MSL3B: variants seen among roughly 807,000 people sequenced by gnomAD.
MSL3B encodes the protein MSL complex subunit 3 pseudogene 1.
chr2:233,866,970 C>A, the MSL3B span: 4 of 1,351,440 alleles, frequency 3.0e-6, no homozygotes, highest in Admixed American at 3.4e-5. Flanking sequence ...ATATAAGGCA[C>A]GTTCATGCTG....
the MSL3B span, chr2:233,866,147 G>T: frequency 1.6e-6 from 1 of 610,624 alleles, no homozygotes; most frequent in Non-Finnish European, 3.2e-6. Context: ...GACTGCCTGG[G>T]GGTTCCTGGT....
chr2:233,868,143 C>T, the MSL3B span: 1 of 389,422 alleles, frequency 2.6e-6, no homozygotes, highest in Non-Finnish European at 5.3e-6. Context: ...ACCCATCTAT[C>T]CCAGCTTCAG....
the MSL3B span, chr2:233,867,408 C>T: frequency 5.8e-6 from 3 of 519,586 alleles, no homozygotes; most frequent in South Asian, 6.4e-5. Context: ...TTCTTTCTCT[C>T]TTGCTCCTCA....
At chr2:233,866,801 G>A in the MSL3B span, 4 of 867,496 alleles carry the variant, frequency 4.6e-6, no homozygotes, top group African/African-American at 6.6e-5. Context: ...AGTATTTGTG[G>A]CACTTTCCTT....
the MSL3B span, chr2:233,868,113 G>A: frequency 1.2e-5 from 4 of 331,322 alleles, no homozygotes; most frequent in African/African-American, 2.2e-5. Flanking sequence ...CTGGGCTCAC[G>A]AAGCACATGA....
the MSL3B span, among the ~76,000 whole-genome samples, chr2:233,867,650 G>A: frequency 6.6e-6 from 1 of 151,248 alleles, no homozygotes; most frequent in Non-Finnish European, 1.5e-5. Context: ...TAATTGTTTT[G>A]TATTTTTAGC....
the MSL3B span, chr2:233,866,163 A>C: frequency 9.6e-6 from 6 of 623,492 alleles, no homozygotes; most frequent in Non-Finnish European, 1.3e-5. Context: ...CTGGTGCTGT[A>C]ATGCACCTCA....
the MSL3B span, chr2:233,867,364 A>C: frequency 3.5e-5 from 21 of 594,868 alleles, no homozygotes; most frequent in African/African-American, 3.9e-4. Context: ...TTAAAAAAAG[A>C]CAGAGTCAGC....
At chr2:233,867,853 C>T in the MSL3B span, among the ~76,000 whole-genome samples, 3 of 140,260 alleles carry the variant, frequency 2.1e-5, no homozygotes, top group Non-Finnish European at 3.0e-5. Flanking sequence ...AGTGCAATGG[C>T]GATCTCGGCT....
the MSL3B span, chr2:233,868,177 C>A: frequency 6.7e-6 from 3 of 446,766 alleles, no homozygotes; most frequent in African/African-American, 2.1e-5. Context: ...AACGGATCAG[C>A]TATTCTGGGA....
At chr2:233,865,664 T>G in the MSL3B span, 1 of 153,956 alleles carries the variant, frequency 6.5e-6, no homozygotes, top group Non-Finnish European at 1.4e-5. Context: ...CTAAAATACT[T>G]TGAGACTACT....
chr2:233,866,442 C>G, the MSL3B span: 1 of 1,256,302 alleles, frequency 8.0e-7, no homozygotes, highest in Non-Finnish European at 1.2e-6. Context: ...GTTCTTCTCC[C>G]TTCAAAGCCA....
At chr2:233,867,056 T>C in the MSL3B span, 11 of 1,217,598 alleles carry the variant, frequency 9.0e-6, no homozygotes, top group South Asian at 4.8e-5. Flanking sequence ...ATGCTTCACA[T>C]AGGATTCCAA....
chr2:233,867,447 A>G, the MSL3B span: 1 of 424,250 alleles, frequency 2.4e-6, no homozygotes, highest in East Asian at 5.4e-5. Context: ...TTGCCAATTT[A>G]TGCTGTAATC....
the MSL3B span, among the ~76,000 whole-genome samples, chr2:233,867,621 G>A: frequency 1.2e-4 from 18 of 151,420 alleles, no homozygotes; most frequent in African/African-American, 3.6e-4. Flanking sequence ...GATTATAGGC[G>A]CCCACCACCA....
chr2:233,866,171 TCA>T, the MSL3B span: 1 of 630,866 alleles, frequency 1.6e-6, no homozygotes, highest in Non-Finnish European at 3.1e-6. Context: ...GTAATGCACC[TCA>T]GAGGCAGCGA....
chr2:233,868,374 G>C, the MSL3B span: 1 of 158,780 alleles, frequency 6.3e-6, no homozygotes, highest in Non-Finnish European at 1.4e-5. Context: ...CGCGTCCCGG[G>C]CGCACACGTA....
chr2:233,867,171 C>G, the MSL3B span: 21 of 787,846 alleles, frequency 2.7e-5, no homozygotes, highest in African/African-American at 3.0e-4. Flanking sequence ...TCAGGGATTT[C>G]TAGAGTTACT....
the MSL3B span, among the ~76,000 whole-genome samples, chr2:233,867,766 C>T: frequency 1.3e-5 from 2 of 150,852 alleles, no homozygotes; most frequent in African/African-American, 4.9e-5. Context: ...GAGTGAGCCA[C>T]CGCGCCCAGA....
Sources: gnomAD v4.1 joint callset for allele counts (sites outside exome capture counted in the v4.1 genomes callset) on GRCh38, gnomAD v4.1.1 for gene constraint, MANE v1.5 for transcripts, NCBI Gene and HGNC (gene_info 2026-07-23, HGNC 2026-07-21) for gene names.